Variants in RGS17 observed in about 807,000 individuals in gnomAD.
RGS17 encodes the protein regulator of G protein signaling 17.
In RGS17, 12 loss-of-function variants were observed where a neutral mutation model predicts 25.5. The ratio of observed to expected loss-of-function variants is 0.47; its 90% CI spans 0.30 to 0.76. RGS17 has a LOEUF of 0.76. Among genes scored for constraint, RGS17 ranks in the 30% least tolerant of loss-of-function variants. The pLI, the probability that RGS17 is intolerant of heterozygous loss-of-function variation, is 0.07. For synonymous variants in RGS17, 71 were observed against 76.9 expected (o/e 0.92, Z 0.40); for missense variants, 196 against 242.2 (o/e 0.81, Z 1.27).
intron 1 of RGS17, among the ~76,000 whole-genome samples, chr6:153,078,732 CA>C (rs1776924041): frequency 6.6e-6 from 1 of 151,836 alleles, no homozygotes; most frequent in Non-Finnish European, 1.5e-5. Flanking sequence ...TAAATGAAAA[CA>C]ATGTCAGGCG....
chr6:153,067,597 A>C (rs369312963), intron 1 of RGS17, among the ~76,000 whole-genome samples: 1 of 152,204 alleles, frequency 6.6e-6, no homozygotes, highest in African/African-American at 2.4e-5. Flanking sequence ...GAATTAAGTT[A>C]ACCAAAGCAG....
At chr6:153,028,967 G>C (rs1350472002) in intron 2 of RGS17, among the ~76,000 whole-genome samples, 1 of 152,156 alleles carries the variant, frequency 6.6e-6, no homozygotes, top group South Asian at 2.1e-4. Context: ...GAGTCTACAG[G>C]CATGAATCAC....
intron 4 of RGS17, among the ~76,000 whole-genome samples, chr6:153,018,255 G>A (rs1779205446): frequency 6.6e-6 from 1 of 152,080 alleles, no homozygotes; most frequent in African/African-American, 2.4e-5. Flanking sequence ...GTAACATCAG[G>A]AAGAAAATAT....
intron 1 of RGS17, among the ~76,000 whole-genome samples, chr6:153,077,817 T>C (rs919601668): frequency 6.6e-6 from 1 of 152,170 alleles, no homozygotes; most frequent in East Asian, 1.9e-4. Flanking sequence ...ATACTGACCA[T>C]ATATCTGTGA....
At chr6:153,074,074 TAAGAC>T (rs1304780891) in intron 1 of RGS17, among the ~76,000 whole-genome samples, 5 of 152,212 alleles carry the variant, frequency 3.3e-5, no homozygotes, top group Non-Finnish European at 5.9e-5. Context: ...TTAGCACTAT[TAAGAC>T]AAGTATTTCA....
chr6:153,081,278 C>T (rs1036224735), intron 1 of RGS17, among the ~76,000 whole-genome samples: 6 of 152,036 alleles, frequency 3.9e-5, no homozygotes, highest in African/African-American at 1.4e-4. Context: ...TTGAAGTCCT[C>T]TTATTGTTTA....
chr6:153,056,916 T>C (rs1776569504), intron 1 of RGS17, among the ~76,000 whole-genome samples: 1 of 151,108 alleles, frequency 6.6e-6, no homozygotes, highest in Admixed American at 6.6e-5. Context: ...CTATTGTAGA[T>C]GCAAAATAAG....
chr6:153,017,376 G>A (rs531062316), intron 4 of RGS17, among the ~76,000 whole-genome samples: 8 of 152,268 alleles, frequency 5.3e-5, no homozygotes, highest in South Asian at 4.1e-4. Flanking sequence ...TCATGAGAGC[G>A]AAGTGGTCAA....
chr6:153,076,469 C>T (rs761162051), intron 1 of RGS17, among the ~76,000 whole-genome samples: 6 of 152,066 alleles, frequency 3.9e-5, no homozygotes, highest in South Asian at 2.1e-4. Context: ...AGCAATGATA[C>T]GGCAGTAGCG....
chr6:153,048,642 T>A (rs1454379413), intron 1 of RGS17, among the ~76,000 whole-genome samples: 2 of 152,232 alleles, frequency 1.3e-5, no homozygotes, highest in Non-Finnish European at 2.9e-5. Flanking sequence ...TCCTCAGCCA[T>A]GCTCGGTACA....
Position 153,043,966 on chromosome 6 carries a change from G to T in RGS17, c.53C>A (p.Ala18Asp). ...GTTGTTGGGCCTCTGGTTTCCAGGA[G>T]CTTGAGACACGGCAGGTGTTCCTTC... ...QNEGTPAVSQ[A>D]PGNQRPNNTC... Residue 18 changes from alanine (A) to aspartate (D), a missense_variant, in exon 2 of 5, where the codon GCT becomes GAT. Physicochemically the swap from Ala to Asp is moderately radical, Grantham distance 126 (BLOSUM62 -2). Transcript: ENST00000206262. The T allele has an allele frequency of 1.2e-6, 2 of 1,613,102 alleles. No homozygotes were observed. The highest frequency in any genetic ancestry group is 1.7e-6 in the Non-Finnish European group (2 of 1,179,602).
chr6:153,103,868 CAG>C (rs1204500702), intron 1 of RGS17, among the ~76,000 whole-genome samples: 1 of 152,164 alleles, frequency 6.6e-6, no homozygotes, highest in Admixed American at 6.5e-5. Flanking sequence ...TTAAAATTGT[CAG>C]AGTGACCTGG....
rs117744742 is a variant in RGS17 at position 153,034,335 on chromosome 6, G to A, written c.120-7792C>T. On this transcript the variant is annotated intron_variant, in intron 2 of 4. Transcript: ENST00000206262. Reference sequence around the variant, plus strand: ...GTGCATGCTCCAGGGCTGCTCTGACGTATACCTGTGCCGATTAATGTGAGG... The same window carrying A: ...GTGCATGCTCCAGGGCTGCTCTGACATATACCTGTGCCGATTAATGTGAGG... Among the ~76,000 whole-genome samples the A allele has an allele frequency of 7.9e-5, 12 of 152,252 alleles. No homozygotes were observed. The East Asian group carries it at 2.1e-3, about 27-fold the overall frequency.
chr6:153,027,242 A>G (rs758952433), intron 2 of RGS17, among the ~76,000 whole-genome samples: 1 of 152,154 alleles, frequency 6.6e-6, no homozygotes, highest in Non-Finnish European at 1.5e-5. Flanking sequence ...CATAGAGGAC[A>G]GAGGATAATG....
At chr6:153,043,653 T>C (rs2295229) in intron 2 of RGS17, among the ~76,000 whole-genome samples, 6,838 of 152,224 alleles carry the variant, frequency 0.045, 513 homozygotes, top group South Asian at 0.26. Flanking sequence ...AAAAACATGA[T>C]ATAAAACACC....
At chr6:153,106,076 G>A (rs759504902) in intron 1 of RGS17, among the ~76,000 whole-genome samples, 1 of 152,132 alleles carries the variant, frequency 6.6e-6, no homozygotes, top group Non-Finnish European at 1.5e-5. Context: ...GGTAGACTGA[G>A]CCCTGGTTAT....
At chr6:153,079,486 T>C (rs1776940545) in intron 1 of RGS17, among the ~76,000 whole-genome samples, 1 of 152,242 alleles carries the variant, frequency 6.6e-6, no homozygotes, top group African/African-American at 2.4e-5. Context: ...GGGAATTCTA[T>C]TTCTACTTTG....
intron 4 of RGS17, among the ~76,000 whole-genome samples, chr6:153,020,603 T>G (rs1488136754): frequency 6.6e-6 from 1 of 152,196 alleles, no homozygotes; most frequent in African/African-American, 2.4e-5. Flanking sequence ...TAAAATGTAG[T>G]TGTTTTTCTA....
At chr6:153,117,881 T>A (rs925399161) in intron 1 of RGS17, among the ~76,000 whole-genome samples, 1 of 152,196 alleles carries the variant, frequency 6.6e-6, no homozygotes, top group East Asian at 1.9e-4. Flanking sequence ...TGAGGGAGAC[T>A]AATAATAAAT....
Sources: gnomAD v4.1 joint callset for allele counts (sites outside exome capture counted in the v4.1 genomes callset) on GRCh38, gnomAD v4.1.1 for gene constraint, MANE v1.5 for transcripts, NCBI Gene and HGNC (gene_info 2026-07-23, HGNC 2026-07-21) for gene names.